CWF19L2: variants seen among roughly 807,000 people sequenced by gnomAD.
CWF19L2 encodes the protein CWF19 like cell cycle control factor 2.
CWF19L2 carries 98 observed loss-of-function variants against 111.7 expected under a neutral mutation model. The observed-to-expected ratio is 0.88, with a 90% CI of 0.75 to 1.04. CWF19L2 has a LOEUF of 1.04. CWF19L2 is among the 50% of genes least tolerant of loss of function. CWF19L2 has a pLI of 0.00. For synonymous variants in CWF19L2, 351 were observed against 342.9 expected (o/e 1.02, Z -0.26); for missense variants, 1,101 against 1,051.4 (o/e 1.05, Z -0.65).
chr11:107,392,128 T>G (rs1370809207), intron 11 of CWF19L2, among the ~76,000 whole-genome samples: 1 of 152,092 alleles, frequency 6.6e-6, no homozygotes, highest in Non-Finnish European at 1.5e-5. Context: ...TTAATTAGAA[T>G]CTCTAGCAAC....
chr11:107,382,741 A>AAT (rs1164577681), intron 12 of CWF19L2, among the ~76,000 whole-genome samples: 1 of 152,202 alleles, frequency 6.6e-6, no homozygotes, highest in African/African-American at 2.4e-5. Flanking sequence ...GTCTTGTATT[A>AAT]CAATGTTGGG....
chr11:107,335,412 T>TA (rs1276117531), intron 15 of CWF19L2, among the ~76,000 whole-genome samples: 3 of 151,834 alleles, frequency 2.0e-5, no homozygotes, highest in African/African-American at 7.3e-5. Context: ...AATGAAGAAG[T>TA]AAAAATACAG....
intron 12 of CWF19L2, among the ~76,000 whole-genome samples, chr11:107,378,518 C>T (rs1415568007): frequency 1.3e-5 from 2 of 151,994 alleles, no homozygotes; most frequent in Non-Finnish European, 2.9e-5. Context: ...ATTGCAAGAA[C>T]AAAAAACCAA....
intron 10 of CWF19L2, among the ~76,000 whole-genome samples, chr11:107,409,207 C>G (rs1184367197): frequency 6.6e-6 from 1 of 151,774 alleles, no homozygotes; most frequent in Non-Finnish European, 1.5e-5. Context: ...ATCCAAAAGA[C>G]AGTGTTAAAG....
At chr11:107,371,706 C>T (rs1860513279) in intron 12 of CWF19L2, among the ~76,000 whole-genome samples, 1 of 137,262 alleles carries the variant, frequency 7.3e-6, no homozygotes, top group Non-Finnish European at 1.6e-5. Context: ...AGGAAACCTG[C>T]CCCAGGATCT....
At chr11:107,438,758 C>A (rs2135418184) in intron 6 of CWF19L2, among the ~76,000 whole-genome samples, 1 of 152,222 alleles carries the variant, frequency 6.6e-6, no homozygotes, top group Middle Eastern at 3.4e-3. Context: ...AAAAGAAATG[C>A]CTGAGGCCAG....
In CWF19L2 at chr11:107,373,411, C is replaced by G. The variant is rs539406801; in HGVS notation, c.1872+16663G>C. Among the ~76,000 whole-genome samples, 4 of 135,924 alleles carry G rather than the reference C, an allele frequency of 2.9e-5. No individual in the cohort carries two copies. In the South Asian group the frequency reaches 1.0e-3, roughly 34 times the overall value. 89.2% of individuals were successfully genotyped at this position (135,924 alleles called of 152,430 possible). On this transcript the variant is annotated intron_variant, in intron 12 of 17. Coordinates refer to ENST00000282251, the MANE Select transcript of CWF19L2 (RefSeq NM_152434.3). ...AGACAGCAGTGGTTCTCCCAGCACG[C>G]AGCTGAAGATCTGAGAACGGGCAGA...
rs765537308 is a variant in CWF19L2 at position 107,349,028 on chromosome 11, C to T, written c.2111G>A (p.Arg704Gln). 18 of 1,605,392 alleles carry T rather than the reference C, an allele frequency of 1.1e-5. No individual in the cohort carries two copies. The highest frequency in any genetic ancestry group is 2.2e-5 in the South Asian group (2 of 90,344). Residue 704 changes from arginine (R) to glutamine (Q), a missense_variant, in exon 14 of 18, where the codon CGG (arginine) becomes CAG (glutamine). Transcript: ENST00000282251. ...CAGGCAGTGCCCCTCAGTAAGAGAC[C>T]GTACGTTGGGTAAACATAAATAAAC... ...VKVYLCLPNV[R>Q]SLTEGHCLIV...
intron 14 of CWF19L2, among the ~76,000 whole-genome samples, chr11:107,340,257 G>C (rs780641083): frequency 6.6e-6 from 1 of 152,216 alleles, no homozygotes; most frequent in African/African-American, 2.4e-5. Context: ...TCTCCCAAAA[G>C]TTTTATAGTT....
chr11:107,382,591 A>C (rs1860705137), intron 12 of CWF19L2, among the ~76,000 whole-genome samples: 1 of 152,224 alleles, frequency 6.6e-6, no homozygotes, highest in South Asian at 2.1e-4. Context: ...TCTAGAACAT[A>C]ATAAAGTAAC....
At position 107,336,546 on chromosome 11, in the gene CWF19L2, A is replaced by G. The variant is rs771457059; in HGVS notation, c.2358+12T>C. 6.3e-7 allele frequency: 1 copy of G among 1,584,766 alleles called. No individual in the cohort carries two copies. The highest frequency in any genetic ancestry group is 1.2e-5 in the South Asian group (1 of 85,706). Reference sequence around the variant, plus strand: ...AAAAATAAGTGTATATGCAAAGACTACTTATAAACACCTTAAAATAGATGG... The same window carrying G: ...AAAAATAAGTGTATATGCAAAGACTGCTTATAAACACCTTAAAATAGATGG... On this transcript the variant is annotated intron_variant, in intron 15 of 17. Transcript: ENST00000282251.
At chr11:107,403,430 T>G in intron 10 of CWF19L2, 2 of 764,314 alleles carry the variant, frequency 2.6e-6, no homozygotes, top group Non-Finnish European at 4.8e-6. Flanking sequence ...TGGTAGGGGA[T>G]CTGTCGGTGG....
intron 14 of CWF19L2, among the ~76,000 whole-genome samples, chr11:107,347,020 A>C (rs1394272700): frequency 6.6e-6 from 1 of 152,182 alleles, no homozygotes; most frequent in African/African-American, 2.4e-5. Flanking sequence ...CCCACCTACC[A>C]ACTTGGGATA....
intron 3 of CWF19L2, among the ~76,000 whole-genome samples, chr11:107,448,064 G>A (rs774631430): frequency 2.6e-5 from 4 of 152,016 alleles, no homozygotes; most frequent in East Asian, 3.9e-4. Context: ...AAGGCCAGTC[G>A]GCCAGGCGCA....
At chr11:107,445,390 G>A (rs1450406211) in intron 3 of CWF19L2, among the ~76,000 whole-genome samples, 2 of 152,056 alleles carry the variant, frequency 1.3e-5, no homozygotes, top group East Asian at 1.9e-4. Context: ...TGGATCATGA[G>A]GTCAGGAGTT....
At chr11:107,430,105 T>C (rs1313708448) in intron 7 of CWF19L2, among the ~76,000 whole-genome samples, 4 of 150,962 alleles carry the variant, frequency 2.6e-5, no homozygotes, top group African/African-American at 7.3e-5. Flanking sequence ...TATAAGAAAA[T>C]TTCCCCAGCC....
intron 5 of CWF19L2, among the ~76,000 whole-genome samples, chr11:107,441,004 G>A (rs1861612438): frequency 2.0e-5 from 3 of 152,148 alleles, no homozygotes; most frequent in Admixed American, 1.3e-4. Context: ...ATGCCCCTAG[G>A]AAAGTCATCA....
intron 10 of CWF19L2, among the ~76,000 whole-genome samples, chr11:107,395,356 G>A (rs900417913): frequency 2.6e-5 from 4 of 152,138 alleles, no homozygotes; most frequent in African/African-American, 9.7e-5. Context: ...TCTTTCTTTT[G>A]TAAATTGCCC....
At position 107,353,746 on chromosome 11, in the gene CWF19L2, C is replaced by T. The variant is rs1565249401; in HGVS notation, c.1873-10G>A. On this transcript the variant is annotated splice_polypyrimidine_tract_variant and intron_variant, in intron 12 of 17. Coordinates refer to ENST00000282251, the MANE Select transcript of CWF19L2 (RefSeq NM_152434.3). ...CTGTTTTTCCCATAAACTGAAAAACCAAAATAACAGTAATAGAGAGTAGAA... is the reference window on the plus strand; with the variant it reads ...CTGTTTTTCCCATAAACTGAAAAACTAAAATAACAGTAATAGAGAGTAGAA... The T allele has an allele frequency of 6.2e-7, 1 of 1,607,560 alleles. No individual in the cohort carries two copies. Among genetic ancestry groups the T allele is most frequent in the Admixed American group, 1.7e-5 (1 of 59,948 alleles).
Sources: allele counts gnomAD v4.1 joint callset (sites outside exome capture counted in the v4.1 genomes callset), GRCh38; gene constraint gnomAD v4.1.1; transcripts MANE v1.5; gene names NCBI Gene and HGNC (gene_info 2026-07-23, HGNC 2026-07-21).